The following EXOC3 variants were observed in gnomAD, a reference collection of about 807,000 sequenced individuals.
EXOC3 encodes the protein SEC6-like 1.
In EXOC3, 21 loss-of-function variants were observed where a neutral mutation model predicts 73.7. The observed-to-expected ratio is 0.29, with a 90% confidence interval of 0.20 to 0.41. EXOC3 has a LOEUF of 0.41. Among genes scored for constraint, EXOC3 ranks in the 10% least tolerant of loss-of-function variants. The probability of loss-of-function intolerance (pLI) is 1.00; values close to 1 mark genes in which losing one functional copy is unlikely to be tolerated. For synonymous variants in EXOC3, 410 were observed against 389.1 expected, an observed-to-expected ratio of 1.05 and a Z score of -0.63; for missense variants, 842 against 985.1, an observed-to-expected ratio of 0.85 and a Z score of 1.95.
intron 4 of EXOC3, among the ~76,000 whole-genome samples, chr5:455,056 C>T (rs1737770755): frequency 6.6e-6 from 1 of 152,184 alleles, no homozygotes; most frequent in Non-Finnish European, 1.5e-5. Context: ...GCGCTCTGTG[C>T]AACTGTGGCT....
chr5:451,072 A>G (rs1737647100), intron 3 of EXOC3, among the ~76,000 whole-genome samples: 2 of 152,094 alleles, frequency 1.3e-5, no homozygotes, highest in African/African-American at 4.8e-5. Flanking sequence ...ATAAGAAGGG[A>G]CTTCTGTCAT....
Position 466,925 on chromosome 5 carries a change from C to T in EXOC3, c.*27C>T, listed in dbSNP as rs1226896598. 3 of 1,565,604 alleles carry T rather than the reference C, an allele frequency of 1.9e-6. No individual in the cohort carries two copies. Among genetic ancestry groups the T allele is most frequent in the Non-Finnish European group, 2.6e-6 (3 of 1,154,632 alleles). On this transcript the variant is annotated 3_prime_UTR_variant, in exon 13 of 13. Transcript: ENST00000512944. The stretch of plus-strand genomic sequence containing the variant: ...CTCCGCCGGCCTGCCCTGCTCGCCC[C>T]TCCACAGCCTCGGTCCCTGCCTTTA...
intron 3 of EXOC3, among the ~76,000 whole-genome samples, chr5:449,153 A>T (rs933767606): frequency 2.0e-5 from 3 of 152,218 alleles, no homozygotes; most frequent in African/African-American, 7.2e-5. Context: ...TGAACAAATG[A>T]GCCTGCGTGG....
At chr5:450,601 G>A (rs910534092) in intron 3 of EXOC3, among the ~76,000 whole-genome samples, 3 of 152,120 alleles carry the variant, frequency 2.0e-5, no homozygotes, top group African/African-American at 7.2e-5. Flanking sequence ...CTGTCTGCTT[G>A]TTCTGTCCAT....
chr5:466,624 C>A, intron 12 of EXOC3, 103 bp from the exon 13 acceptor site: 1 of 1,177,256 alleles, frequency 8.5e-7, no homozygotes, highest in Non-Finnish European at 1.2e-6. Context: ...GGTCCTCACC[C>A]CCTGTGTTCT....
chr5:462,259 G>A lies in EXOC3; in HGVS notation c.1605G>A (p.Ala535=), dbSNP rs1738011115. The part of the protein sequence containing the change: ...PSMDGILDAI[A]KEGCSGLLEE... ...TGGACGGGATTTTAGACGCCATCGC[G>A]AAGGAGGGCTGCAGCGGTTTGCTGG... The change falls in exon 9 of 13, where the codon GCG becomes GCA. Residue 535 remains alanine (A), a synonymous_variant. Transcript: ENST00000512944. 3 of 1,613,982 alleles carry A rather than the reference G, an allele frequency of 1.9e-6. No homozygotes were observed. Among genetic ancestry groups the A allele is most frequent in the Middle Eastern group, 1.6e-4 (1 of 6,062 alleles).
intron 12 of EXOC3, chr5:466,471 C>A: frequency 2.0e-6 from 1 of 495,110 alleles, no homozygotes; most frequent in Non-Finnish European, 3.6e-6. Context: ...TCTCCACGGT[C>A]TCCCCTCTGG....
intron 4 of EXOC3, among the ~76,000 whole-genome samples, chr5:456,660 C>T (rs1223311111): frequency 2.6e-5 from 4 of 152,080 alleles, no homozygotes; most frequent in Non-Finnish European, 5.9e-5. Flanking sequence ...CTGCACTTTC[C>T]CCGGTTGGAG....
intron 3 of EXOC3, among the ~76,000 whole-genome samples, chr5:452,564 T>G (rs1348021732): frequency 6.6e-6 from 1 of 152,264 alleles, no homozygotes; most frequent in Non-Finnish European, 1.5e-5. Context: ...CCATACTTTC[T>G]TCTTTCTTTG....
At chr5:464,533 G>C in intron 10 of EXOC3, 121 bp downstream of exon 10, 2 of 1,122,678 alleles carry the variant, frequency 1.8e-6, no homozygotes, top group South Asian at 1.3e-5. Flanking sequence ...TGTCCTATCA[G>C]CCCAAGGGAG....
chr5:460,111 C>CAG (rs1227012934), intron 7 of EXOC3, among the ~76,000 whole-genome samples: 4 of 152,196 alleles, frequency 2.6e-5, no homozygotes, highest in Admixed American at 2.0e-4. Flanking sequence ...GCCATCAAGT[C>CAG]AGAGACACAT....
chr5:444,677 G>C (rs1183250203), intron 1 of EXOC3, among the ~76,000 whole-genome samples: 1 of 152,274 alleles, frequency 6.6e-6, no homozygotes, highest in Non-Finnish European at 1.5e-5. Flanking sequence ...CTGTTGGAGG[G>C]AGTTGCCCCT....
intron 2 of EXOC3, 93 bp downstream of exon 2, chr5:446,442 G>A (rs1737511672): frequency 1.6e-6 from 2 of 1,235,470 alleles, no homozygotes; most frequent in Non-Finnish European, 2.2e-6. Flanking sequence ...AGCCTTTATG[G>A]TAATGTGCAA....
intron 3 of EXOC3, among the ~76,000 whole-genome samples, chr5:447,956 C>T (rs1579732737): frequency 1.3e-5 from 2 of 152,312 alleles, no homozygotes; most frequent in African/African-American, 4.8e-5. Context: ...GCTTGTAGTT[C>T]AGTGTCAGGA....
chr5:459,529 G>T, intron 7 of EXOC3, 70 bp downstream of exon 7: 1 of 760,940 alleles, frequency 1.3e-6, no homozygotes, highest in Non-Finnish European at 2.1e-6. Context: ...AAAATTTTTT[G>T]ATCCTACTAT....
chr5:460,763 G>A (rs2126584792), intron 7 of EXOC3, among the ~76,000 whole-genome samples: 1 of 152,342 alleles, frequency 6.6e-6, no homozygotes, highest in Non-Finnish European at 1.5e-5. Context: ...CTTGGCCTGA[G>A]TTTGTTTCTT....
chr5:464,629 G>C (rs1738083042), intron 10 of EXOC3: 1 of 511,934 alleles, frequency 2.0e-6, no homozygotes. Flanking sequence ...TCGAGGTGGA[G>C]GGAGCCATGG....
chr5:454,311 C>T (rs1383931040), intron 4 of EXOC3, among the ~76,000 whole-genome samples: 3 of 152,360 alleles, frequency 2.0e-5, no homozygotes, highest in Non-Finnish European at 4.4e-5. Flanking sequence ...CAGGGTGCAG[C>T]TCTGGGCTGG....
At chr5:458,667 G>A (rs765929381) in intron 6 of EXOC3, among the ~76,000 whole-genome samples, 6 of 152,194 alleles carry the variant, frequency 3.9e-5, no homozygotes, top group East Asian at 1.9e-4. Flanking sequence ...GTGTCCGACC[G>A]CCCTGTGTCC....
Sources: gnomAD v4.1 joint callset for allele counts (sites outside exome capture counted in the v4.1 genomes callset) on GRCh38, gnomAD v4.1.1 for gene constraint, MANE v1.5 for transcripts, NCBI Gene and HGNC (gene_info 2026-07-23, HGNC 2026-07-21) for gene names.